Variants in ENPP2 observed in about 807,000 individuals in gnomAD.
ENPP2 encodes the protein ectonucleotide pyrophosphatase/phosphodiesterase 2.
Under a neutral mutation model 120.2 loss-of-function variants are expected in ENPP2, and 51 were observed. The observed-to-expected ratio is 0.42, with a 90% CI of 0.34 to 0.54. The LOEUF is 0.54. ENPP2 is among the 20% of genes least tolerant of loss of function. ENPP2 has a pLI of 0.04. For missense variants in ENPP2, 920 were observed against 1,066.5 expected (o/e 0.86, Z 1.91); for synonymous variants, 365 against 366.4 (o/e 1.00, Z 0.04).
intron 13 of ENPP2, among the ~76,000 whole-genome samples, chr8:119,589,220 C>T (rs1813330754): frequency 6.6e-6 from 1 of 152,166 alleles, no homozygotes; most frequent in African/African-American, 2.4e-5. Flanking sequence ...ACAATCCTTA[C>T]CTTGCAGATG....
intron 1 of ENPP2, among the ~76,000 whole-genome samples, chr8:119,658,963 T>C (rs1817842776): frequency 6.6e-6 from 1 of 152,198 alleles, no homozygotes. Flanking sequence ...TCTCTGTCAG[T>C]GGCAGCAGGG....
At chr8:119,671,453 G>A (rs1374675559) in intron 1 of ENPP2, among the ~76,000 whole-genome samples, 3 of 152,182 alleles carry the variant, frequency 2.0e-5, no homozygotes, top group Admixed American at 6.5e-5. Context: ...GGTGGGGGAG[G>A]TGGAGACACA....
chr8:119,587,497 G>T (rs2130386507), intron 13 of ENPP2, among the ~76,000 whole-genome samples: 1 of 152,236 alleles, frequency 6.6e-6, no homozygotes, highest in Admixed American at 6.5e-5. Flanking sequence ...TTTGAAACAA[G>T]TCTTCACCCA....
At chr8:119,627,991 C>T (rs552540644) in intron 2 of ENPP2, among the ~76,000 whole-genome samples, 1 of 150,952 alleles carries the variant, frequency 6.6e-6, no homozygotes, top group South Asian at 2.1e-4. Flanking sequence ...AGTGCAATCA[C>T]AGCCAAAAAT....
At chr8:119,579,951 A>G (rs1031107614) in intron 19 of ENPP2, among the ~76,000 whole-genome samples, 165 bp downstream of exon 19, 1 of 152,208 alleles carries the variant, frequency 6.6e-6, no homozygotes, top group Non-Finnish European at 1.5e-5. Flanking sequence ...TCTTGTGTAC[A>G]TGGAATAAAC....
chr8:119,583,663 C>A, intron 17 of ENPP2, 54 bp downstream of exon 17: 2 of 972,932 alleles, frequency 2.1e-6, no homozygotes, highest in South Asian at 1.5e-5. Context: ...TGAGAAAGAT[C>A]ATATATACTA....
At chr8:119,673,114 A>T in intron 1 of ENPP2, 2 of 705,062 alleles carry the variant, frequency 2.8e-6, no homozygotes, top group Non-Finnish European at 4.9e-6. Flanking sequence ...AGCTGAGTGC[A>T]CGGGAACACA....
rs200035500 is a variant in ENPP2 at position 119,569,208 on chromosome 8, C to T, written c.2053+27G>A. On this transcript the variant is annotated intron_variant, in intron 21 of 24. Transcript: ENST00000075322. ...GCACAATGTGACATCCCTCTGAAGG[C>T]ATCAGATCTTGATATTCTTAACTTA... is the stretch of plus-strand genomic sequence containing the variant. The T allele has an allele frequency of 8.7e-6, 14 of 1,610,668 alleles. No individual in the cohort carries two copies. In the South Asian group the frequency reaches 1.5e-4, roughly 18 times the overall value.
At chr8:119,643,546 T>G (rs1587562734), upstream of ENPP2, among the ~76,000 whole-genome samples, 1 of 151,772 alleles carries the variant, frequency 6.6e-6, no homozygotes, top group East Asian at 1.9e-4. Context: ...TGCATTACAT[T>G]TACTCCCTAT....
intron 1 of ENPP2, among the ~76,000 whole-genome samples, chr8:119,648,006 CAA>C (rs928048068): frequency 6.6e-6 from 1 of 151,882 alleles, no homozygotes; most frequent in Non-Finnish European, 1.5e-5. Context: ...ATTCCATCCC[CAA>C]AAAAAGAAAA....
At chr8:119,608,080 C>T in intron 8 of ENPP2, 103 bp from the exon 9 acceptor site, 2 of 612,560 alleles carry the variant, frequency 3.3e-6, no homozygotes, top group Middle Eastern at 3.4e-4. Context: ...ACTCTACTCA[C>T]ACCCCAACAT....
intron 1 of ENPP2, among the ~76,000 whole-genome samples, chr8:119,651,485 C>G (rs996592245): frequency 1.8e-4 from 27 of 152,118 alleles, no homozygotes; most frequent in African/African-American, 6.5e-4. Context: ...GTTCAAGTGC[C>G]TATTAAGTGG....
intron 19 of ENPP2, 40 bp downstream of exon 19, chr8:119,580,076 G>C: frequency 6.7e-7 from 1 of 1,490,848 alleles, no homozygotes; most frequent in Non-Finnish European, 9.3e-7. Context: ...TTTCGAAAAC[G>C]AGAAAAACCT....
chr8:119,579,721 A>G (rs1197376914), intron 19 of ENPP2, among the ~76,000 whole-genome samples: 1 of 151,970 alleles, frequency 6.6e-6, no homozygotes, highest in Non-Finnish European at 1.5e-5. Context: ...CTATCACAAT[A>G]TATATATATC....
chr8:119,610,054 G>C (rs1814989468), intron 8 of ENPP2, among the ~76,000 whole-genome samples: 1 of 152,134 alleles, frequency 6.6e-6, no homozygotes, highest in South Asian at 2.1e-4. Context: ...AGCACACAGA[G>C]TGAAAATGAC....
chr8:119,639,605 G>T (rs898118660), upstream of ENPP2, among the ~76,000 whole-genome samples: 1 of 152,064 alleles, frequency 6.6e-6, no homozygotes, highest in Non-Finnish European at 1.5e-5. Flanking sequence ...TGTTTCGGGC[G>T]GGGCGGAGGA....
At chr8:119,617,330 T>C in intron 6 of ENPP2, 87 bp from the exon 7 acceptor site, 2 of 1,184,362 alleles carry the variant, frequency 1.7e-6, no homozygotes, top group Non-Finnish European at 2.5e-6. Context: ...CAGACATGTG[T>C]TACCTTCACT....
chr8:119,625,009 G>T (rs1816172641), intron 3 of ENPP2, among the ~76,000 whole-genome samples: 1 of 152,144 alleles, frequency 6.6e-6, no homozygotes, highest in Admixed American at 6.5e-5. Context: ...GAGGAACAAA[G>T]GCATGAACTA....
intron 24 of ENPP2, among the ~76,000 whole-genome samples, chr8:119,562,466 A>T (rs1587317682): frequency 6.6e-6 from 1 of 152,220 alleles, no homozygotes; most frequent in East Asian, 1.9e-4. Flanking sequence ...GGAAATTTTT[A>T]AACATCCAGA....
Sources: allele counts gnomAD v4.1 joint callset (sites outside exome capture counted in the v4.1 genomes callset), GRCh38; gene constraint gnomAD v4.1.1; transcripts MANE v1.5; gene names NCBI Gene and HGNC (gene_info 2026-07-23, HGNC 2026-07-21).